The following IST1 variants were observed in gnomAD, a reference collection of about 807,000 sequenced individuals.
IST1 encodes the protein IST1 homolog.
IST1 carries 23 observed loss-of-function variants against 37.0 expected under a neutral mutation model. The ratio of observed to expected loss-of-function variants is 0.62; its 90% CI spans 0.45 to 0.88. The LOEUF is 0.88. IST1 is among the 40% of genes least tolerant of loss of function. The pLI is 0.00. For missense variants in IST1, 488 were observed against 445.4 expected, an observed-to-expected ratio of 1.10 and a Z score of -0.86; for synonymous variants, 180 against 161.7, an observed-to-expected ratio of 1.11 and a Z score of -0.86.
intron 2 of IST1, 44 bp downstream of exon 2, chr16:71,915,772 C>T (rs1046238329): frequency 1.7e-6 from 2 of 1,191,734 alleles, no homozygotes; most frequent in East Asian, 4.7e-5. Context: ...TCACTGGATA[C>T]TAGCACCCCA....
chr16:71,918,933 C>G lies in IST1; in HGVS notation c.357+1799C>G, dbSNP rs2037522172. On this transcript the variant is annotated intron_variant, in intron 4 of 9. Coordinates refer to ENST00000378799, the MANE Select transcript of IST1 (RefSeq NM_001270975.2). Reference sequence around the variant, plus strand: ...GTCTTCATAATGAACAGTGAGAACTCTCCTACTGGGCTTCTGGAATGTTGG... The same window carrying G: ...GTCTTCATAATGAACAGTGAGAACTGTCCTACTGGGCTTCTGGAATGTTGG... 2.0e-5 allele frequency among the ~76,000 whole-genome samples: 3 copies of G among 152,200 alleles called. No homozygotes were observed. The South Asian group carries it at 6.2e-4, about 31-fold the overall frequency.
At chr16:71,906,480 TG>T (rs2037227248) in intron 1 of IST1, among the ~76,000 whole-genome samples, 1 of 151,448 alleles carries the variant, frequency 6.6e-6, no homozygotes. Context: ...GCTAATTTTT[TG>T]TATTTTTTTT....
intron 1 of IST1, among the ~76,000 whole-genome samples, chr16:71,911,790 C>T (rs1047857148): frequency 6.7e-6 from 1 of 148,426 alleles, no homozygotes; most frequent in African/African-American, 2.5e-5. Flanking sequence ...AGTAATGGCT[C>T]ACGTTAGCCT....
At chr16:71,918,805 A>T (rs1402127724) in intron 4 of IST1, among the ~76,000 whole-genome samples, 2 of 152,210 alleles carry the variant, frequency 1.3e-5, no homozygotes, top group African/African-American at 4.8e-5. Flanking sequence ...CAGAGTGATA[A>T]ATTAATGTGA....
chr16:71,906,456 C>A (rs530221894), intron 1 of IST1, among the ~76,000 whole-genome samples: 1 of 150,986 alleles, frequency 6.6e-6, no homozygotes, highest in East Asian at 1.9e-4. Flanking sequence ...TACAGGTGCC[C>A]GCCACCACGC....
In IST1 at chr16:71,928,029, G is replaced by A; in HGVS notation, c.*216G>A. 1.9e-6 allele frequency: 1 copy of A among 523,012 alleles called. No homozygotes were observed. The highest frequency in any genetic ancestry group is 1.9e-5 in the African/African-American group (1 of 52,112). The allele number at this position is 523,012 out of a possible 1,614,324, so 32.4% of individuals were successfully genotyped here. A position where few individuals can be genotyped will look rare whatever the true frequency, so the allele number is the denominator to read the frequency against. ...TTGGAGACTGAGGCCAGAGCAACTG[G>A]CTCCTGGCAGCTGTGCTTGTCCGTT... is the stretch of plus-strand genomic sequence containing the variant. On this transcript the variant is annotated 3_prime_UTR_variant, in exon 10 of 10. Transcript: ENST00000378799.
rs943656976 is a variant in IST1 at position 71,927,703 on chromosome 16, G to A, written c.991G>A (p.Val331Met). Residue 331 changes from valine (V) to methionine (M), a missense_variant, in exon 10 of 10, where the codon GTG becomes ATG. Physicochemically the swap from Val to Met is conservative, Grantham distance 21. Coordinates refer to ENST00000378799, the MANE Select transcript of IST1 (RefSeq NM_001270975.2). ...CTTTGTCCTACCAGAGTTGCCATCT[G>A]TGCCAGACACACTACCAACTGCATC... ...DNFVLPELPS[V>M]PDTLPTASAG... 1 of 1,613,580 alleles carries A rather than the reference G, an allele frequency of 6.2e-7. No homozygotes were observed.
chr16:71,927,083 C>T (rs962569359), intron 9 of IST1, among the ~76,000 whole-genome samples: 3 of 152,180 alleles, frequency 2.0e-5, no homozygotes, highest in Admixed American at 2.0e-4. Flanking sequence ...GATGTGGCCC[C>T]ATGTATCCCA....
chr16:71,912,473 G>A (rs1462924503), intron 1 of IST1, among the ~76,000 whole-genome samples: 1 of 151,952 alleles, frequency 6.6e-6, no homozygotes, highest in Non-Finnish European at 1.5e-5. Flanking sequence ...TCCTGACTTC[G>A]TGATCTGCCC....
chr16:71,894,716 T>TTTTTGG, upstream of IST1: 1 of 557,204 alleles, frequency 1.8e-6, no homozygotes, highest in South Asian at 2.5e-5. Flanking sequence ...TTTTTTTTTT[T>TTTTTGG]GTAGCGATGC....
chr16:71,929,760 T>G lies in IST1; in HGVS notation c.*1947T>G, dbSNP rs1208598134. The G allele has an allele frequency of 1.5e-6, 2 of 1,290,808 alleles. No individual in the cohort carries two copies. Among genetic ancestry groups the G allele is most frequent in the Non-Finnish European group, 2.1e-6 (2 of 949,548 alleles). The allele number at this position is 1,290,808 out of a possible 1,614,324, so 80.0% of individuals were successfully genotyped here. A position where few individuals can be genotyped will look rare whatever the true frequency, so the allele number is the denominator to read the frequency against. On this transcript the variant is annotated 3_prime_UTR_variant, in exon 10 of 10. Coordinates refer to ENST00000378799, the MANE Select transcript of IST1 (RefSeq NM_001270975.2). ...GGAGTAAAAAAAGTACCAAAGATTTTTAAAAAATTAGTAAATGTAAAGATA... is the reference window on the plus strand; with the variant it reads ...GGAGTAAAAAAAGTACCAAAGATTTGTAAAAAATTAGTAAATGTAAAGATA...
At position 71,930,065 on chromosome 16, in the gene IST1, C is replaced by CT. The variant is rs1238960898; in HGVS notation, c.*2255dup. On this transcript the variant is annotated 3_prime_UTR_variant, in exon 10 of 10. Coordinates refer to ENST00000378799, the MANE Select transcript of IST1 (RefSeq NM_001270975.2). ...TTAGTTACCTACCTTAAGCGACTTT[C>CT]TTTCTTTTCCAAAGGCCATGAGAAT... 7 of 1,548,782 alleles carry CT rather than the reference C, an allele frequency of 4.5e-6. No homozygotes were observed. Among genetic ancestry groups the CT allele is most frequent in the Non-Finnish European group, 6.1e-6 (7 of 1,146,140 alleles).
chr16:71,895,634 C>A, intron 1 of IST1, 45 bp downstream of exon 1: 7 of 796,022 alleles, frequency 8.8e-6, no homozygotes, highest in Non-Finnish European at 1.1e-5. Flanking sequence ...TCTTCCTCTT[C>A]TCTCTGCGCT....
rs559164321 is a variant in IST1 at position 71,930,249 on chromosome 16, A to G, written c.*2436A>G. 27 of 1,426,240 alleles carry G rather than the reference A, an allele frequency of 1.9e-5. No individual in the cohort carries two copies. The highest frequency in any genetic ancestry group is 7.2e-5 in the African/African-American group (5 of 69,718). 88.3% of individuals were successfully genotyped at this position (1,426,240 alleles called of 1,614,324 possible). On this transcript the variant is annotated 3_prime_UTR_variant, in exon 10 of 10. Transcript: ENST00000378799. ...AGTTTATACTTTACAAACATAAGCT[A>G]TATGCTAGTGTTTGGGATCTTATCA... is the stretch of plus-strand genomic sequence containing the variant.
intron 1 of IST1, among the ~76,000 whole-genome samples, chr16:71,898,983 A>AG (rs1964432000): frequency 2.9e-5 from 4 of 136,120 alleles, no homozygotes; most frequent in Admixed American, 7.4e-5. Flanking sequence ...AAAAAAAAAA[A>AG]GAAACACTCT....
At chr16:71,905,257 A>T (rs1335063190) in intron 1 of IST1, among the ~76,000 whole-genome samples, 1 of 151,874 alleles carries the variant, frequency 6.6e-6, no homozygotes, top group African/African-American at 2.4e-5. Flanking sequence ...GCTGGTCTCG[A>T]ACTCCTGACC....
intron 6 of IST1, among the ~76,000 whole-genome samples, chr16:71,922,122 AGAGT>A (rs1384716691): frequency 3.3e-5 from 5 of 152,094 alleles, no homozygotes; most frequent in African/African-American, 1.2e-4. Context: ...TCTGGGTGAC[AGAGT>A]GAGACTCCGT....
In IST1 at chr16:71,929,594, G is replaced by C. The variant is rs2037844880; in HGVS notation, c.*1781G>C. 6.4e-7 allele frequency: 1 copy of C among 1,551,700 alleles called. No homozygotes were observed. Among genetic ancestry groups the C allele is most frequent in the African/African-American group, 1.4e-5 (1 of 73,038 alleles). ...CTGCCCACTGCTGTCGTGGCTGCTTGCTCAGATGAGGTTTTTTGGGGCCAA... is the reference window on the plus strand; with the variant it reads ...CTGCCCACTGCTGTCGTGGCTGCTTCCTCAGATGAGGTTTTTTGGGGCCAA... On this transcript the variant is annotated 3_prime_UTR_variant, in exon 10 of 10. Coordinates refer to ENST00000378799, the MANE Select transcript of IST1 (RefSeq NM_001270975.2).
chr16:71,920,657 G>A (rs2037558671), intron 4 of IST1, 82 bp from the exon 5 acceptor site: 18 of 920,480 alleles, frequency 2.0e-5, no homozygotes, highest in South Asian at 1.7e-4. Flanking sequence ...TAATAGACGC[G>A]TGTTTACTGT....
Sources: gnomAD v4.1 joint callset for allele counts (sites outside exome capture counted in the v4.1 genomes callset) on GRCh38, gnomAD v4.1.1 for gene constraint, MANE v1.5 for transcripts, NCBI Gene and HGNC (gene_info 2026-07-23, HGNC 2026-07-21) for gene names.